INSR: variants seen among roughly 807,000 people sequenced by gnomAD.
INSR encodes IR.
Under a neutral mutation model 142.6 loss-of-function variants are expected in INSR, and 67 were observed. That is an observed-to-expected ratio of 0.47 (90% CI 0.39 to 0.58). The LOEUF is 0.58. Among genes scored for constraint, INSR ranks in the 20% least tolerant of loss-of-function variants. The pLI, the probability that INSR is intolerant of heterozygous loss-of-function variation, is 0.00. For missense variants in INSR, 1,248 were observed against 1,833.2 expected (o/e 0.68, Z 5.83); for synonymous variants, 756 against 743.1 (o/e 1.02, Z -0.28).
In INSR at chr19:7,273,151, CTG is replaced by C. The variant is rs148317232; in HGVS notation, c.101-5257_101-5256del. Reference sequence around the variant, plus strand: ...GGGTGAATTGTATGTCATGTGAATTCTGTCTCACTAAAGTTGTTATGAGTAAA... The same window carrying C: ...GGGTGAATTGTATGTCATGTGAATTCTCTCACTAAAGTTGTTATGAGTAAA... On this transcript the variant is annotated intron_variant, in intron 1 of 21. Transcript: ENST00000302850. Among the ~76,000 whole-genome samples the C allele has an allele frequency of 2.8e-3, 427 of 152,316 alleles. 1 individual carries two copies. The highest frequency in any genetic ancestry group is 9.6e-3 in the African/African-American group (398 of 41,568).
intron 14 of INSR, among the ~76,000 whole-genome samples, chr19:7,131,877 T>C (rs930715628): frequency 6.6e-6 from 1 of 151,162 alleles, no homozygotes; most frequent in African/African-American, 2.4e-5. Flanking sequence ...TGGGCACCTG[T>C]AGTCCCAGCT....
rs41412545 is a variant in INSR at position 7,172,515 on chromosome 19, C to A, written c.1124-81G>T. 0.033 allele frequency: 48,907 copies of A among 1,472,324 alleles called. 984 individuals carry two copies. Among genetic ancestry groups the A allele is most frequent in the Middle Eastern group, 0.061 (276 of 4,536 alleles). The allele number at this position is 1,472,324 out of a possible 1,614,324, so 91.2% of individuals were successfully genotyped here. On this transcript the variant is annotated intron_variant, in intron 4 of 21. Transcript: ENST00000302850. Reference sequence around the variant, plus strand: ...ATGATTCTCCATGGTGAGAAGATAACCCTCAGGCTGCAAATGACTGGACAT... The same window carrying A: ...ATGATTCTCCATGGTGAGAAGATAAACCTCAGGCTGCAAATGACTGGACAT...
At chr19:7,146,058 C>T (rs1973177589) in intron 11 of INSR, among the ~76,000 whole-genome samples, 1 of 151,986 alleles carries the variant, frequency 6.6e-6, no homozygotes, top group South Asian at 2.1e-4. Flanking sequence ...TATGATCTTC[C>T]TTATTGCACC....
chr19:7,272,304 CTAAA>C (rs748537609), intron 1 of INSR, among the ~76,000 whole-genome samples: 1 of 151,838 alleles, frequency 6.6e-6, no homozygotes, highest in Non-Finnish European at 1.5e-5. Flanking sequence ...GACTCCGTCT[CTAAA>C]TAAATAAATA....
chr19:7,156,525 G>GGAAT lies in INSR; in HGVS notation c.2030-3602_2030-3599dup, dbSNP rs535435365. ...TGGCTGGGGCGTCCTCCTGGAGCAT[G>GGAAT]GAATGGGTGAAGACCAGAGATGCTG... On this transcript the variant is annotated intron_variant, in intron 9 of 21. Coordinates refer to ENST00000302850, the MANE Select transcript of INSR (RefSeq NM_000208.4). 5.9e-5 allele frequency among the ~76,000 whole-genome samples: 9 copies of GGAAT among 152,174 alleles called. No individual in the cohort carries two copies. In the South Asian group the frequency reaches 1.7e-3, roughly 28 times the overall value.
Position 7,119,555 on chromosome 19 carries a change from T to C in INSR, c.3688A>G (p.Thr1230Ala), listed in dbSNP as rs1972424085. 2.5e-6 allele frequency: 4 copies of C among 1,614,120 alleles called. No individual in the cohort carries two copies. The highest frequency in any genetic ancestry group is 3.4e-6 in the Non-Finnish European group (4 of 1,180,032). ...TGGTAAGGCTGTTCTGCCAAGCTGG[T>C]GATTTCCCAAAGGACCACGCCAAAG... Reference protein sequence around the residue: ...WSFGVVLWEITSLAEQPYQGL... With the variant: ...WSFGVVLWEIASLAEQPYQGL... The change falls in exon 21 of 22, where the codon ACC becomes GCC. Residue 1230 changes from threonine (T) to alanine (A), a missense_variant. By Grantham distance (58) the Thr-to-Ala change is moderately conservative. Coordinates refer to ENST00000302850, the MANE Select transcript of INSR (RefSeq NM_000208.4). This position sits in a 1 kb window ranked among gnomAD's most constrained non-coding sequence, Gnocchi z 5.2.
intron 11 of INSR, 125 bp from the exon 12 acceptor site, chr19:7,143,215 G>T: frequency 1.9e-6 from 2 of 1,035,744 alleles, no homozygotes; most frequent in Non-Finnish European, 1.5e-6. Flanking sequence ...CAGCAATGGG[G>T]AACATGGATT....
intron 2 of INSR, among the ~76,000 whole-genome samples, chr19:7,257,088 G>A (rs1435549323): frequency 6.6e-6 from 1 of 151,686 alleles, no homozygotes; most frequent in East Asian, 1.9e-4. Flanking sequence ...GATTACAGGT[G>A]CCCACCACCA....
chr19:7,177,634 T>G (rs1189279938), intron 3 of INSR, among the ~76,000 whole-genome samples: 1 of 151,790 alleles, frequency 6.6e-6, no homozygotes, highest in Non-Finnish European at 1.5e-5. Flanking sequence ...TTCAAGTGAT[T>G]CTCCTGCCTC....
chr19:7,291,369 C>T (rs1968491003), intron 1 of INSR, among the ~76,000 whole-genome samples: 1 of 152,130 alleles, frequency 6.6e-6, no homozygotes, highest in Admixed American at 6.6e-5. Context: ...GGGGTTTTGC[C>T]GTGAGGATTA....
Position 7,225,850 on chromosome 19 carries a change from G to A in INSR, c.653-41213C>T, listed in dbSNP as rs980261339. Among the ~76,000 whole-genome samples the A allele has an allele frequency of 5.3e-5, 8 of 152,252 alleles. No homozygotes were observed. The highest frequency in any genetic ancestry group is 1.9e-4 in the East Asian group (1 of 5,178). On this transcript the variant is annotated intron_variant, in intron 2 of 21. Coordinates refer to ENST00000302850, the MANE Select transcript of INSR (RefSeq NM_000208.4). The surrounding 1 kb of genome is among the most constrained non-coding windows in gnomAD (Gnocchi z 4.7). ...GAGACATTTGTGTTTGCCATGCCTC[G>A]GGGGCGGCGCTCCAGGCATGGAATG... is the stretch of plus-strand genomic sequence containing the variant.
chr19:7,192,168 AAGAC>A lies in INSR; in HGVS notation c.653-7535_653-7532del, dbSNP rs1188605914. Among the ~76,000 whole-genome samples the A allele has an allele frequency of 1.3e-4, 16 of 127,478 alleles. No individual in the cohort carries two copies. The highest frequency in any genetic ancestry group is 2.7e-4 in the South Asian group (1 of 3,710). The allele number at this position is 127,478 out of a possible 152,430, so 83.6% of individuals were successfully genotyped here. On this transcript the variant is annotated intron_variant, in intron 2 of 21. Transcript: ENST00000302850. The surrounding 1 kb of genome is among the most constrained non-coding windows in gnomAD (Gnocchi z 4.2). ...AGAGAGAGAAAGAGAAAGAAAAAGA[AAGAC>A]AGAGAAAGAAAAGAAAAAAGAAAGA...
At chr19:7,151,051 TTCTC>T (rs201979170) in intron 10 of INSR, among the ~76,000 whole-genome samples, 1 of 73,896 alleles carries the variant, frequency 1.4e-5, no homozygotes, top group Non-Finnish European at 4.9e-5. Context: ...TTCATTTTCT[TTCTC>T]TTTCTTTTCT....
chr19:7,244,952 T>A (rs8102363), intron 2 of INSR, among the ~76,000 whole-genome samples: 1 of 142,046 alleles, frequency 7.0e-6, no homozygotes, highest in Non-Finnish European at 1.5e-5. Flanking sequence ...TTTTTTTTTT[T>A]CAAGATGGAG....
At chr19:7,240,957 G>T (rs1976321023) in intron 2 of INSR, among the ~76,000 whole-genome samples, 1 of 152,128 alleles carries the variant, frequency 6.6e-6, no homozygotes, top group African/African-American at 2.4e-5. Flanking sequence ...CTGGTCCCAA[G>T]CATTTTGAAT....
chr19:7,118,335 T>C (rs1030463273), intron 21 of INSR, among the ~76,000 whole-genome samples: 2 of 151,974 alleles, frequency 1.3e-5, no homozygotes, highest in African/African-American at 2.4e-5. Flanking sequence ...TGTTTGTTTT[T>C]GAGACAGAAT....
chr19:7,215,625 T>C (rs1975409698), intron 2 of INSR, among the ~76,000 whole-genome samples: 1 of 151,930 alleles, frequency 6.6e-6, no homozygotes. Context: ...TGGAGTGCAG[T>C]GGCATGATCT....
chr19:7,186,939 G>A (rs535370645), intron 2 of INSR, among the ~76,000 whole-genome samples: 6 of 150,936 alleles, frequency 4.0e-5, no homozygotes, highest in East Asian at 2.0e-4. Flanking sequence ...TCCTAACCTC[G>A]TGATCCTCCT....
At chr19:7,209,564 C>T (rs140771522) in intron 2 of INSR, among the ~76,000 whole-genome samples, 3 of 140,754 alleles carry the variant, frequency 2.1e-5, no homozygotes, top group African/African-American at 5.4e-5. Flanking sequence ...ATTATAGGCA[C>T]ACACCACCAT....
Sources: allele counts gnomAD v4.1 joint callset (sites outside exome capture counted in the v4.1 genomes callset), GRCh38; gene constraint gnomAD v4.1.1; non-coding constraint Gnocchi (gnomAD v3.1); transcripts MANE v1.5; gene names NCBI Gene and HGNC (gene_info 2026-07-23, HGNC 2026-07-21).